The following OTUD7A variants were observed in gnomAD, a reference collection of about 807,000 sequenced individuals.
The protein encoded by OTUD7A is OTU domain-containing protein 7A.
A neutral mutation model predicts 65.7 loss-of-function variants in OTUD7A; 12 were observed. That is an observed-to-expected ratio of 0.18 (90% CI 0.12 to 0.30). The LOEUF (loss-of-function observed/expected upper bound fraction) is 0.30, where lower values mean the gene tolerates loss of function less well. Ranked by LOEUF, OTUD7A falls within the 10% of genes least tolerant of loss-of-function variation. The pLI is 1.00. For missense variants in OTUD7A, 1,148 were observed against 1,304.8 expected (o/e 0.88, Z 1.85); for synonymous variants, 641 against 586.3 (o/e 1.09, Z -1.35).
chr15:31,569,075 G>T (rs1017497627), intron 4 of OTUD7A, among the ~76,000 whole-genome samples: 2 of 152,156 alleles, frequency 1.3e-5, no homozygotes, highest in African/African-American at 4.8e-5. Flanking sequence ...TGGCAAGATT[G>T]AAGGGAAACA....
chr15:31,559,184 T>C lies in OTUD7A; in HGVS notation c.335A>G (p.Lys112Arg). The C allele has an allele frequency of 6.2e-7, 1 of 1,612,752 alleles. No homozygotes were observed. Among genetic ancestry groups the C allele is most frequent in the South Asian group, 1.1e-5 (1 of 90,976 alleles). Residue 112 changes from lysine to arginine, a missense_variant, in exon 5 of 13, where the codon AAG becomes AGG. Around this residue, in one of 6 missense-constraint regions of OTUD7A, gnomAD observed 134 missense variants for 252.6 expected, o/e 0.53. Coordinates refer to ENST00000307050, the MANE Select transcript of OTUD7A (RefSeq NM_001382637.1). ...GTGGGAAATCCCCCGGGAAAGCCGC[T>C]TTTCTGCAGGGGGAGAAGGAAAGAT... ...LQRQDDIAQEKRLSRGISHAS... is the reference protein window; with the variant it reads ...LQRQDDIAQERRLSRGISHAS...
intron 1 of OTUD7A, among the ~76,000 whole-genome samples, chr15:31,744,002 C>T (rs1250989704): frequency 6.6e-6 from 1 of 152,126 alleles, no homozygotes; most frequent in East Asian, 1.9e-4. Flanking sequence ...ATAAATTAGA[C>T]ATTTAGATTA....
At position 31,662,287 on chromosome 15, in the gene OTUD7A, T is replaced by C. The variant is rs114278551; in HGVS notation, c.-99-5210A>G. Among the ~76,000 whole-genome samples the C allele has an allele frequency of 6.4e-3, 968 of 152,366 alleles. 9 individuals are homozygous for C. Among genetic ancestry groups the C allele is most frequent in the African/African-American group, 0.021 (878 of 41,588 alleles). On this transcript the variant is annotated intron_variant, in intron 1 of 12. Transcript: ENST00000307050. ...TGGTCACCCAGTGGTAGACACCTAA[T>C]AGAAAAGGCAAGATAGATGCTTTAT...
intron 1 of OTUD7A, among the ~76,000 whole-genome samples, chr15:31,817,493 G>T (rs1433783148): frequency 1.3e-5 from 2 of 152,190 alleles, no homozygotes; most frequent in Non-Finnish European, 2.9e-5. Flanking sequence ...GGACTAGAAT[G>T]AATTCTATAG....
intron 3 of OTUD7A, among the ~76,000 whole-genome samples, chr15:31,619,905 G>A (rs929483430): frequency 6.6e-6 from 1 of 152,190 alleles, no homozygotes; most frequent in Non-Finnish European, 1.5e-5. Context: ...CTGTGGGTCT[G>A]TAATAGATAG....
At chr15:31,793,523 T>C (rs1895873367) in intron 1 of OTUD7A, among the ~76,000 whole-genome samples, 1 of 152,234 alleles carries the variant, frequency 6.6e-6, no homozygotes, top group Non-Finnish European at 1.5e-5. Context: ...TGTCTCCTCC[T>C]ACAAACCAAA....
chr15:31,517,683 C>T (rs1308523261), intron 8 of OTUD7A, among the ~76,000 whole-genome samples: 1 of 152,096 alleles, frequency 6.6e-6, no homozygotes, highest in Admixed American at 6.6e-5. Flanking sequence ...GGAGAATTTC[C>T]AGGGTTAGGG....
chr15:31,741,576 A>T (rs2141373142), intron 1 of OTUD7A, among the ~76,000 whole-genome samples: 1 of 152,294 alleles, frequency 6.6e-6, no homozygotes, highest in South Asian at 2.1e-4. Flanking sequence ...AATTATAAAA[A>T]TACAATAACC....
At chr15:31,746,735 A>G (rs1894489613) in intron 1 of OTUD7A, among the ~76,000 whole-genome samples, 1 of 152,164 alleles carries the variant, frequency 6.6e-6, no homozygotes, top group South Asian at 2.1e-4. Context: ...ACCTCAGGTG[A>G]TTCACCTGCC....
At chr15:31,607,395 C>T (rs528830846) in intron 3 of OTUD7A, among the ~76,000 whole-genome samples, 1 of 152,136 alleles carries the variant, frequency 6.6e-6, no homozygotes, top group Non-Finnish European at 1.5e-5. Flanking sequence ...GAATCAAGGC[C>T]AGCTTCAAAT....
At chr15:31,808,584 T>C (rs970903586) in intron 1 of OTUD7A, among the ~76,000 whole-genome samples, 1 of 152,140 alleles carries the variant, frequency 6.6e-6, no homozygotes, top group African/African-American at 2.4e-5. Context: ...TATTTAGAAG[T>C]CTGAGTGTAA....
chr15:31,709,120 G>C (rs1191564713), intron 1 of OTUD7A, among the ~76,000 whole-genome samples: 1 of 151,598 alleles, frequency 6.6e-6, no homozygotes, highest in Non-Finnish European at 1.5e-5. Flanking sequence ...TCGTGCCCAG[G>C]AAGAGCTGTG....
rs764715754 is a variant in OTUD7A at position 31,484,886 on chromosome 15, C to T, written c.1372-162G>A. Among the ~76,000 whole-genome samples the T allele has an allele frequency of 1.3e-5, 2 of 152,142 alleles. No homozygotes were observed. Among genetic ancestry groups the T allele is most frequent in the Non-Finnish European group, 2.9e-5 (2 of 68,032 alleles). ...CTGGTGACTGTGACATCCGGATGGG[C>T]GGTGCTGAAGGAGCGGATAGGAGTG... On this transcript the variant is annotated intron_variant, in intron 12 of 12. Transcript: ENST00000307050. This position sits in a 1 kb window ranked among gnomAD's most constrained non-coding sequence, Gnocchi z 4.5.
chr15:31,776,489 T>C (rs1595761458), intron 1 of OTUD7A, among the ~76,000 whole-genome samples: 1 of 152,160 alleles, frequency 6.6e-6, no homozygotes, highest in South Asian at 2.1e-4. Context: ...CCCGACTCTC[T>C]CCTTCCTTGG....
intron 1 of OTUD7A, among the ~76,000 whole-genome samples, chr15:31,862,027 T>G (rs1897755146): frequency 6.6e-6 from 1 of 152,140 alleles, no homozygotes; most frequent in Non-Finnish European, 1.5e-5. Context: ...GGGGTGACAG[T>G]GCAGACCCTA....
chr15:31,757,177 T>A (rs1894839597), intron 1 of OTUD7A, among the ~76,000 whole-genome samples: 1 of 152,222 alleles, frequency 6.6e-6, no homozygotes, highest in East Asian at 1.9e-4. Context: ...TCATTAATCC[T>A]GCACCTCCTG....
intron 1 of OTUD7A, among the ~76,000 whole-genome samples, chr15:31,813,404 C>A (rs1193321709): frequency 2.0e-5 from 3 of 152,212 alleles, no homozygotes. Flanking sequence ...TACTGCATGA[C>A]ACACCATATA....
Position 31,596,114 on chromosome 15 carries a change from G to A in OTUD7A, c.152-25917C>T, listed in dbSNP as rs144553570. ...TGAATTCCATCTGCAAAGTCCCTTC[G>A]CAGTGGTAACCAGAGCAGTGTTTGG... On this transcript the variant is annotated intron_variant, in intron 3 of 12. Coordinates refer to ENST00000307050, the MANE Select transcript of OTUD7A (RefSeq NM_001382637.1). Among the ~76,000 whole-genome samples the A allele has an allele frequency of 3.0e-3, 456 of 152,142 alleles. 3 individuals carry two copies. Among genetic ancestry groups the A allele is most frequent in the African/African-American group, 0.01 (424 of 41,526 alleles).
intron 1 of OTUD7A, among the ~76,000 whole-genome samples, chr15:31,786,914 C>G (rs1405014080): frequency 1.3e-5 from 2 of 152,132 alleles, no homozygotes; most frequent in Non-Finnish European, 2.9e-5. Context: ...GCCTGTCGTT[C>G]TACAAAACAA....
Sources: gnomAD v4.1 joint callset for allele counts (sites outside exome capture counted in the v4.1 genomes callset) on GRCh38, gnomAD v4.1.1 for gene constraint, gnomAD v4.1.1 regional missense constraint, Gnocchi (gnomAD v3.1) non-coding constraint, MANE v1.5 for transcripts, NCBI Gene and HGNC (gene_info 2026-07-23, HGNC 2026-07-21) for gene names.